Variants in PRICKLE2 observed in about 807,000 individuals in gnomAD.
PRICKLE2 encodes the protein prickle-like protein 2.
Under a neutral mutation model 81.4 loss-of-function variants are expected in PRICKLE2, and 21 were observed. The observed-to-expected ratio is 0.26, with a 90% CI of 0.18 to 0.37. PRICKLE2 has a LOEUF of 0.37. Among genes scored for constraint, PRICKLE2 ranks in the 10% least tolerant of loss-of-function variants. The pLI is 1.00. For synonymous variants in PRICKLE2, 456 were observed against 421.5 expected, an observed-to-expected ratio of 1.08 and a Z score of -1.00; for missense variants, 940 against 1,109.0, an observed-to-expected ratio of 0.85 and a Z score of 2.16.
At chr3:64,195,457 A>G (rs2078436393) in intron 2 of PRICKLE2, among the ~76,000 whole-genome samples, 1 of 152,218 alleles carries the variant, frequency 6.6e-6, no homozygotes, top group Non-Finnish European at 1.5e-5. Flanking sequence ...GAGTGAAATG[A>G]AAGGTTTCTA....
chr3:64,237,030 G>A (rs1183295504), intron 2 of PRICKLE2, among the ~76,000 whole-genome samples: 1 of 152,176 alleles, frequency 6.6e-6, no homozygotes, highest in African/African-American at 2.4e-5. Context: ...TCAGCCTACA[G>A]CTCTCAACGC....
At chr3:64,128,935 G>A (rs568002508) in intron 7 of PRICKLE2, among the ~76,000 whole-genome samples, 6 of 149,738 alleles carry the variant, frequency 4.0e-5, no homozygotes, top group African/African-American at 1.2e-4. Flanking sequence ...TTTTAACTTC[G>A]ACACTGTTGA....
chr3:64,245,144 A>AT (rs952240606), intron 2 of PRICKLE2, among the ~76,000 whole-genome samples: 1 of 152,026 alleles, frequency 6.6e-6, no homozygotes, highest in Non-Finnish European at 1.5e-5. Flanking sequence ...TAATGCTAGA[A>AT]TTTTTTTTCG....
intron 2 of PRICKLE2, among the ~76,000 whole-genome samples, chr3:64,178,973 T>TTCTTTCTTTCTTTC (rs1559559378): frequency 1.3e-4 from 11 of 84,452 alleles, no homozygotes; most frequent in African/African-American, 4.5e-4. Context: ...TTTTCTTTCT[T>TTCTTTCTTTCTTTC]TCTTTCTTTC....
At chr3:64,104,624 G>C (rs534631184) in intron 7 of PRICKLE2, 100 of 152,252 alleles carry the variant, frequency 6.6e-4, no homozygotes, top group African/African-American at 2.3e-3. Context: ...TCTGCATCCC[G>C]GGAAAGCTCG....
chr3:64,201,854 G>C (rs776999107), intron 1 of PRICKLE2, among the ~76,000 whole-genome samples: 4 of 152,076 alleles, frequency 2.6e-5, no homozygotes, highest in Non-Finnish European at 5.9e-5. Flanking sequence ...TTTAATTTAA[G>C]AGATTTATGG....
At chr3:64,164,147 C>A (rs377122401) in intron 2 of PRICKLE2, among the ~76,000 whole-genome samples, 1 of 151,896 alleles carries the variant, frequency 6.6e-6, no homozygotes. Flanking sequence ...CTGAGGCGGG[C>A]GGGAGAACCA....
At chr3:64,151,171 G>A (rs549984663) in intron 6 of PRICKLE2, among the ~76,000 whole-genome samples, 2 of 152,318 alleles carry the variant, frequency 1.3e-5, no homozygotes, top group African/African-American at 4.8e-5. Context: ...TATGGTCAGA[G>A]GTAAAGCACC....
intron 7 of PRICKLE2, among the ~76,000 whole-genome samples, chr3:64,104,190 T>C (rs2076716958): frequency 6.6e-6 from 1 of 152,170 alleles, no homozygotes; most frequent in Non-Finnish European, 1.5e-5. Flanking sequence ...ATCTCTTACA[T>C]ACAAATCATA....
chr3:64,183,274 T>C (rs1040068968), intron 2 of PRICKLE2, among the ~76,000 whole-genome samples: 3 of 152,198 alleles, frequency 2.0e-5, no homozygotes, highest in African/African-American at 7.2e-5. Context: ...TGATACAATT[T>C]ATTGACCCGT....
At chr3:64,158,617 T>C (rs957087573) in intron 4 of PRICKLE2, among the ~76,000 whole-genome samples, 1 of 152,202 alleles carries the variant, frequency 6.6e-6, no homozygotes, top group African/African-American at 2.4e-5. Context: ...ACCTTCCTTC[T>C]CCCTTAGGCA....
At chr3:64,172,727 C>G (rs1355470374) in intron 2 of PRICKLE2, among the ~76,000 whole-genome samples, 1 of 152,176 alleles carries the variant, frequency 6.6e-6, no homozygotes, top group Non-Finnish European at 1.5e-5. Flanking sequence ...TATCAAATCC[C>G]TAACCCCTAT....
At chr3:64,193,784 G>T (rs1158685489) in intron 2 of PRICKLE2, among the ~76,000 whole-genome samples, 1 of 152,180 alleles carries the variant, frequency 6.6e-6, no homozygotes, top group Non-Finnish European at 1.5e-5. Context: ...CTATAAGGAG[G>T]AGTTTTCCTG....
At chr3:64,221,961 C>T (rs2078962894) in intron 1 of PRICKLE2, among the ~76,000 whole-genome samples, 1 of 152,280 alleles carries the variant, frequency 6.6e-6, no homozygotes, top group South Asian at 2.1e-4. Context: ...ACTTGGATTT[C>T]CCAAATACCT....
At chr3:64,185,096 T>C (rs1433519236) in intron 2 of PRICKLE2, among the ~76,000 whole-genome samples, 3 of 152,180 alleles carry the variant, frequency 2.0e-5, no homozygotes, top group East Asian at 1.9e-4. Context: ...ATGTTAGATA[T>C]TGTCCTTGGG....
At chr3:64,195,041 TA>T (rs1404960205) in intron 2 of PRICKLE2, among the ~76,000 whole-genome samples, 1 of 152,038 alleles carries the variant, frequency 6.6e-6, no homozygotes, top group Non-Finnish European at 1.5e-5. Flanking sequence ...CCCTGTCTCT[TA>T]AAAAAATAAA....
chr3:64,203,955 G>A (rs908360717), intron 1 of PRICKLE2, among the ~76,000 whole-genome samples: 1 of 152,074 alleles, frequency 6.6e-6, no homozygotes, highest in African/African-American at 2.4e-5. Flanking sequence ...TCCAGCCTGG[G>A]TGACAGAGCG....
chr3:64,110,815 CG>C, intron 7 of PRICKLE2, among the ~76,000 whole-genome samples: 1 of 152,104 alleles, frequency 6.6e-6, no homozygotes, highest in East Asian at 1.9e-4. Flanking sequence ...AGGAGCCACA[CG>C]GAGGTTCTTC....
chr3:64,244,610 G>GTGTA (rs1253094362), intron 2 of PRICKLE2, among the ~76,000 whole-genome samples: 2 of 151,732 alleles, frequency 1.3e-5, no homozygotes, highest in African/African-American at 4.8e-5. Context: ...ACTGGTGTGT[G>GTGTA]TGTGTGTGTG....
Sources: gnomAD v4.1 joint callset for allele counts (sites outside exome capture counted in the v4.1 genomes callset) on GRCh38, gnomAD v4.1.1 for gene constraint, MANE v1.5 for transcripts, NCBI Gene and HGNC (gene_info 2026-07-23, HGNC 2026-07-21) for gene names.